Variants in ZNF506 observed in about 807,000 individuals in gnomAD.
ZNF506 encodes zinc finger protein 506.
ZNF506 carries 10 observed loss-of-function variants against 11.6 expected under a neutral mutation model. The ratio of observed to expected loss-of-function variants is 0.86; its 90% CI spans 0.53 to 1.46. The LOEUF (loss-of-function observed/expected upper bound fraction) is 1.46, where lower values mean the gene tolerates loss of function less well. Among genes scored for constraint, ZNF506 ranks in the 40% most tolerant of loss-of-function variants. ZNF506 has a pLI of 0.00. For synonymous variants in ZNF506, 156 were observed against 173.3 expected, an observed-to-expected ratio of 0.90 and a Z score of 0.78; for missense variants, 425 against 521.2, an observed-to-expected ratio of 0.82 and a Z score of 1.80.
rs2062732763 is a variant in ZNF506 at position 19,795,476 on chromosome 19, C to G, written c.411G>C (p.Leu137Phe). 1.3e-6 allele frequency: 2 copies of G among 1,594,876 alleles called. No individual in the cohort carries two copies. The highest frequency in any genetic ancestry group is 1.7e-6 in the Non-Finnish European group (2 of 1,173,010). The change falls in exon 4 of 4, where the codon TTG (leucine) becomes TTC (phenylalanine). Residue 137 changes from leucine (L) to phenylalanine (F), a missense_variant. This residue lies in a region of ZNF506 where 226 missense variants were observed against 279.1 expected (regional missense o/e 0.81). Coordinates refer to ENST00000540806, the MANE Select transcript of ZNF506 (RefSeq NM_001099269.3). ...KRGYNGLKQC[L>F]ATTQRKIFQC... ...GAAATATTTTTCTCTGGGTAGTTGC[C>G]AAACATTGTTTAAGTCCATTATAAC...
intron 1 of ZNF506, among the ~76,000 whole-genome samples, chr19:19,817,668 T>C (rs1466772987): frequency 6.6e-6 from 1 of 152,134 alleles, no homozygotes; most frequent in African/African-American, 2.4e-5. Flanking sequence ...GGGCCTTTAA[T>C]AACTTCCTCT....
In ZNF506 at chr19:19,795,725, C is replaced by G. The variant is rs141892477; in HGVS notation, c.227-65G>C. 708 of 1,386,610 alleles carry G rather than the reference C, an allele frequency of 5.1e-4. 6 individuals carry two copies. The African/African-American group carries it at 8.8e-3, about 17-fold the overall frequency. 85.9% of individuals were successfully genotyped at this position (1,386,610 alleles called of 1,614,324 possible). A position where few individuals can be genotyped will look rare whatever the true frequency, so the allele number is the denominator to read the frequency against. On this transcript the variant is annotated intron_variant, in intron 3 of 3. Coordinates refer to ENST00000540806, the MANE Select transcript of ZNF506 (RefSeq NM_001099269.3). ...ACTCAGATAAATATACTTCACAAAT[C>G]TAACCTATAAAATTATACAAACTAC...
chr19:19,804,577 T>C (rs2062820161), intron 3 of ZNF506, among the ~76,000 whole-genome samples: 1 of 152,192 alleles, frequency 6.6e-6, no homozygotes, highest in Non-Finnish European at 1.5e-5. Context: ...GTGATCCCAT[T>C]ACTGGGTATA....
At chr19:19,814,982 G>C (rs575407535) in intron 1 of ZNF506, among the ~76,000 whole-genome samples, 1 of 152,302 alleles carries the variant, frequency 6.6e-6, no homozygotes, top group East Asian at 1.9e-4. Flanking sequence ...TGTGGGCCGG[G>C]CGCTGTGGCT....
At chr19:19,799,253 T>C in intron 3 of ZNF506, 2 of 395,552 alleles carry the variant, frequency 5.1e-6, no homozygotes, top group East Asian at 7.5e-5. Context: ...AATAGAGCAA[T>C]ATAATTATAG....
At chr19:19,815,801 A>C (rs577971180) in intron 1 of ZNF506, among the ~76,000 whole-genome samples, 7 of 152,300 alleles carry the variant, frequency 4.6e-5, no homozygotes, top group Non-Finnish European at 2.9e-5. Flanking sequence ...GGAGTCCCAT[A>C]ACCTCTCTGA....
At chr19:19,795,713 T>A (rs1337303282) in intron 3 of ZNF506, 53 bp from the exon 4 acceptor site, 16 of 1,434,790 alleles carry the variant, frequency 1.1e-5, no homozygotes, top group Non-Finnish European at 1.4e-5. Flanking sequence ...CAGATAAATA[T>A]ACTTCACAAA....
In ZNF506 at chr19:19,793,891, G is replaced by A. The variant is rs1350051224; in HGVS notation, c.*661C>T. On this transcript the variant is annotated 3_prime_UTR_variant, in exon 4 of 4. Coordinates refer to ENST00000540806, the MANE Select transcript of ZNF506 (RefSeq NM_001099269.3). Reference sequence around the variant, plus strand: ...TTGTCTCATTTCATACATTTCCAGGGTTTCACATTAGTATAATTTATTTTT... The same window carrying A: ...TTGTCTCATTTCATACATTTCCAGGATTTCACATTAGTATAATTTATTTTT... The A allele has an allele frequency of 2.6e-5, 4 of 152,178 alleles. No individual in the cohort carries two copies. Among genetic ancestry groups the A allele is most frequent in the African/African-American group, 9.7e-5 (4 of 41,438 alleles). 9.4% of individuals were successfully genotyped at this position (152,178 alleles called of 1,614,324 possible). A position where few individuals can be genotyped will look rare whatever the true frequency, so the allele number is the denominator to read the frequency against.
intron 1 of ZNF506, among the ~76,000 whole-genome samples, chr19:19,809,802 T>C (rs920339841): frequency 1.1e-4 from 16 of 152,136 alleles, no homozygotes; most frequent in Non-Finnish European, 2.9e-5. Flanking sequence ...GAATAGGCCC[T>C]GTGACCATCC....
chr19:19,813,371 T>A lies in ZNF506; in HGVS notation c.4-6303A>T, dbSNP rs1191912586. Among the ~76,000 whole-genome samples the A allele has an allele frequency of 3.3e-5, 5 of 152,310 alleles. No homozygotes were observed. In the East Asian group the frequency reaches 9.6e-4, roughly 29 times the overall value. ...TTTAAAAATTGCAACTATATTTCAA[T>A]TAAAACTTTTACACTTTCAAAAGTG... is the stretch of plus-strand genomic sequence containing the variant. On this transcript the variant is annotated intron_variant, in intron 1 of 3. Transcript: ENST00000540806.
intron 3 of ZNF506, among the ~76,000 whole-genome samples, chr19:19,800,247 A>G (rs2062778508): frequency 6.6e-6 from 1 of 151,942 alleles, no homozygotes; most frequent in African/African-American, 2.4e-5. Context: ...TATGCTTAGA[A>G]ACCGAAGAGT....
At chr19:19,803,173 C>A (rs2062808767) in intron 3 of ZNF506, among the ~76,000 whole-genome samples, 1 of 152,210 alleles carries the variant, frequency 6.6e-6, no homozygotes. Context: ...CAACTTGGTC[C>A]CACTGAGAAT....
chr19:19,816,638 T>G (rs111956051), intron 1 of ZNF506, among the ~76,000 whole-genome samples: 51,811 of 151,510 alleles, frequency 0.34, 10,135 homozygotes, highest in Middle Eastern at 0.62. Flanking sequence ...GATTACAGGC[T>G]TGAGCCACTG....
Position 19,794,738 on chromosome 19 carries a change from A to G in ZNF506, c.1149T>C (p.Thr383=). The change falls in exon 4 of 4, where the codon ACT becomes ACC. Residue 383 remains threonine, a synonymous_variant. Coordinates refer to ENST00000540806, the MANE Select transcript of ZNF506 (RefSeq NM_001099269.3). ...TATGAATTATCTTATGTTCAGTTAG[A>G]GTTGAGAATGCAGTAAAGGCTTTGC... ...ECGKAFTAFS[T]LTEHKIIHTG... The G allele has an allele frequency of 6.2e-7, 1 of 1,612,204 alleles. No homozygotes were observed. Among genetic ancestry groups the G allele is most frequent in the Non-Finnish European group, 8.5e-7 (1 of 1,179,478 alleles).
intron 1 of ZNF506, among the ~76,000 whole-genome samples, chr19:19,807,670 A>C (rs2062846043): frequency 6.6e-6 from 1 of 151,760 alleles, no homozygotes; most frequent in Non-Finnish European, 1.5e-5. Flanking sequence ...ATGCCCAGCT[A>C]ATTTTTTTTT....
At chr19:19,811,314 C>T (rs1599524019) in intron 1 of ZNF506, among the ~76,000 whole-genome samples, 1 of 152,134 alleles carries the variant, frequency 6.6e-6, no homozygotes, top group African/African-American at 2.4e-5. Context: ...TGTGCATCAC[C>T]ATGCCTGGCT....
In ZNF506 at chr19:19,795,514, C is replaced by A. The variant is rs2062733212; in HGVS notation, c.373G>T (p.Val125Leu). The A allele has an allele frequency of 6.2e-7, 1 of 1,600,476 alleles. No homozygotes were observed. Residue 125 changes from valine (V) to leucine (L), a missense_variant, in exon 4 of 4, where the codon GTG becomes TTG. Around this residue, in one of 3 missense-constraint regions of ZNF506, gnomAD observed 226 missense variants for 279.1 expected, o/e 0.81. Coordinates refer to ENST00000540806, the MANE Select transcript of ZNF506 (RefSeq NM_001099269.3). ...KGCESVDECP[V>L]HKRGYNGLKQ... ...AGTCCATTATAACCTCTTTTGTGCA[C>A]TGGACACTCATCTACACTTTCACAG... is the stretch of plus-strand genomic sequence containing the variant.
At chr19:19,808,142 G>A (rs1464113216) in intron 1 of ZNF506, among the ~76,000 whole-genome samples, 1 of 11,090 alleles carries the variant, frequency 9.0e-5, no homozygotes. Flanking sequence ...TTTTTTTTTT[G>A]AGACGGAGTC....
At position 19,794,986 on chromosome 19, in the gene ZNF506, T is replaced by C. The variant is rs1432451357; in HGVS notation, c.901A>G (p.Thr301Ala). Reference sequence around the variant, plus strand: ...CCAGTATGAATTATCTCATGTTTAGTAAGGGTTGAGGATGAAATAAAGGCT... The same window carrying C: ...CCAGTATGAATTATCTCATGTTTAGCAAGGGTTGAGGATGAAATAAAGGCT... ...GKAFISSSTL[T>A]KHEIIHTGEK... is the part of the protein sequence containing the mutation. Residue 301 changes from threonine (T) to alanine (A), a missense_variant, in exon 4 of 4, where the codon ACT becomes GCT. Thr to Ala is a moderately conservative substitution (Grantham distance 58, BLOSUM62 0). Around this residue, in one of 3 missense-constraint regions of ZNF506, gnomAD observed 192 missense variants for 215.7 expected, o/e 0.89. Coordinates refer to ENST00000540806, the MANE Select transcript of ZNF506 (RefSeq NM_001099269.3). 6.2e-7 allele frequency: 1 copy of C among 1,613,844 alleles called. No homozygotes were observed. Among genetic ancestry groups the C allele is most frequent in the Non-Finnish European group, 8.5e-7 (1 of 1,179,980 alleles).
Sources: allele counts gnomAD v4.1 joint callset (sites outside exome capture counted in the v4.1 genomes callset), GRCh38; gene constraint gnomAD v4.1.1; regional missense constraint gnomAD v4.1.1; transcripts MANE v1.5; gene names NCBI Gene and HGNC (gene_info 2026-07-23, HGNC 2026-07-21).